Variants in GRIK4 observed in about 807,000 individuals in gnomAD.
The protein encoded by GRIK4 is glutamate receptor ionotropic, kainate 4.
GRIK4 carries 40 observed loss-of-function variants against 104.9 expected under a neutral mutation model. That is an observed-to-expected ratio of 0.38 (90% CI 0.30 to 0.50). The LOEUF (loss-of-function observed/expected upper bound fraction) is 0.50. Ranked by LOEUF, GRIK4 falls within the 20% of genes least tolerant of loss-of-function variation. GRIK4 has a pLI of 0.93. For missense variants in GRIK4, 1,047 were observed against 1,308.1 expected, an observed-to-expected ratio of 0.80 and a Z score of 3.08; for synonymous variants, 485 against 524.9, an observed-to-expected ratio of 0.92 and a Z score of 1.04.
rs2135541653 is a variant in GRIK4, at chr11:120,819,130, G to A, written c.346-625G>A. 6.6e-6 allele frequency among the ~76,000 whole-genome samples: 1 copy of A among 152,316 alleles called. No individual in the cohort carries two copies. Among genetic ancestry groups the A allele is most frequent in the South Asian group, 2.1e-4 (1 of 4,830 alleles). ...AAACCACGTATTTATTTACCTGGCT[G>A]TGTTCAGAGGTTCTCTAGATGGTTT... is the stretch of plus-strand genomic sequence containing the variant. On this transcript the variant is annotated intron_variant, in intron 5 of 20. Transcript: ENST00000527524. The surrounding 1 kb of genome is among the most constrained non-coding windows in gnomAD (Gnocchi z 4.3).
chr11:120,579,230 C>CA (rs2135089939), intron 1 of GRIK4, among the ~76,000 whole-genome samples: 1 of 152,100 alleles, frequency 6.6e-6, no homozygotes, highest in South Asian at 2.1e-4. Context: ...AAATAACCCC[C>CA]CCCCCTTTTT....
At position 120,513,251 on chromosome 11, in the gene GRIK4, C is replaced by T. The variant is rs1947684065; in HGVS notation, c.-159+1364C>T. Among the ~76,000 whole-genome samples the T allele has an allele frequency of 6.6e-6, 1 of 152,150 alleles. No individual in the cohort carries two copies. Among genetic ancestry groups the T allele is most frequent in the South Asian group, 2.1e-4 (1 of 4,826 alleles). Reference sequence around the variant, plus strand: ...CAAAGAACTACCTTCACTTTCACTCCCTATGGGTCACCTGGTTGGTAGTGA... The same window carrying T: ...CAAAGAACTACCTTCACTTTCACTCTCTATGGGTCACCTGGTTGGTAGTGA... On this transcript the variant is annotated intron_variant, in intron 1 of 20. Transcript: ENST00000527524. The surrounding 1 kb of genome is among the most constrained non-coding windows in gnomAD (Gnocchi z 4.5).
intron 1 of GRIK4, among the ~76,000 whole-genome samples, chr11:120,598,065 C>T (rs912173247): frequency 6.6e-6 from 1 of 152,180 alleles, no homozygotes; most frequent in Non-Finnish European, 1.5e-5. Context: ...CAACAGACTT[C>T]CCCTCCTGCG....
At chr11:120,817,813 C>T (rs1327651413) in intron 5 of GRIK4, among the ~76,000 whole-genome samples, 1 of 152,204 alleles carries the variant, frequency 6.6e-6, no homozygotes, top group East Asian at 1.9e-4. Context: ...CTTCCTCAGC[C>T]CTCACCCCCT....
chr11:120,659,769 G>A (rs1212487513), intron 2 of GRIK4, among the ~76,000 whole-genome samples: 1 of 152,188 alleles, frequency 6.6e-6, no homozygotes, highest in Non-Finnish European at 1.5e-5. Flanking sequence ...TCGCTCTGTC[G>A]TCCAGGCTGG....
intron 3 of GRIK4, among the ~76,000 whole-genome samples, chr11:120,678,163 A>G (rs1950131369): frequency 6.6e-6 from 1 of 152,182 alleles, no homozygotes. Context: ...GGTGTGATTG[A>G]GGTCTGCCCA....
chr11:120,721,327 C>T (rs3133226), intron 3 of GRIK4, among the ~76,000 whole-genome samples: 62,892 of 151,922 alleles, frequency 0.41, 15,241 homozygotes, highest in Middle Eastern at 0.58. Context: ...TTTGAGAGTG[C>T]AGTTTCAAGA....
At chr11:120,705,798 C>A (rs561358095) in intron 3 of GRIK4, among the ~76,000 whole-genome samples, 4 of 152,076 alleles carry the variant, frequency 2.6e-5, no homozygotes, top group Non-Finnish European at 5.9e-5. Flanking sequence ...TTCTTAATTT[C>A]TTTTTCAGAT....
chr11:120,599,743 C>T (rs976062102), intron 1 of GRIK4, among the ~76,000 whole-genome samples: 1 of 152,228 alleles, frequency 6.6e-6, no homozygotes, highest in Admixed American at 6.5e-5. Context: ...TCCAGGTTGC[C>T]CTGAAACTCT....
chr11:120,584,298 A>G (rs1948628158), intron 1 of GRIK4, among the ~76,000 whole-genome samples: 1 of 152,222 alleles, frequency 6.6e-6, no homozygotes, highest in Admixed American at 6.5e-5. Flanking sequence ...GTATTAGGCC[A>G]TTCTTGCATT....
At chr11:120,702,228 A>G (rs1950564940) in intron 3 of GRIK4, among the ~76,000 whole-genome samples, 1 of 152,138 alleles carries the variant, frequency 6.6e-6, no homozygotes, top group Non-Finnish European at 1.5e-5. Context: ...TGCTGGGATT[A>G]CAGGCGTGAG....
At chr11:120,933,941 A>G (rs940486821) in intron 13 of GRIK4, among the ~76,000 whole-genome samples, 28 of 152,122 alleles carry the variant, frequency 1.8e-4, no homozygotes, top group African/African-American at 6.8e-4. Context: ...GCGGTGGCTC[A>G]CACCTGTAAT....
In GRIK4 at chr11:120,957,625, G is replaced by GTGTGTGTGTGTATA. The variant is rs375508071; in HGVS notation, c.1874+673_1874+674insGTGTGTGTGTATAT. On this transcript the variant is annotated intron_variant, in intron 16 of 20. Coordinates refer to ENST00000527524, the MANE Select transcript of GRIK4 (RefSeq NM_014619.5). ...TGTGTGTGTGTGTGTGTGTGTGTGT[G>GTGTGTGTGTGTATA]TAGCCTAGAGAGGCAAGTTTGCAGA... Among the ~76,000 whole-genome samples the GTGTGTGTGTGTATA allele has an allele frequency of 3.1e-4, 45 of 144,636 alleles. 1 individual carries two copies. The highest frequency in any genetic ancestry group is 1.1e-3 in the African/African-American group (44 of 38,614). 94.9% of individuals were successfully genotyped at this position (144,636 alleles called of 152,430 possible). A position where few individuals can be genotyped will look rare whatever the true frequency, so the allele number is the denominator to read the frequency against.
chr11:120,620,022 A>T, intron 1 of GRIK4: 1 of 548,846 alleles, frequency 1.8e-6, no homozygotes, highest in South Asian at 2.7e-5. Context: ...CTGTTAGCGT[A>T]GTGAACCTGT....
rs117349312 is a variant in GRIK4 at position 120,559,608 on chromosome 11, G to A, written c.-159+47721G>A. On this transcript the variant is annotated intron_variant, in intron 1 of 20. Coordinates refer to ENST00000527524, the MANE Select transcript of GRIK4 (RefSeq NM_014619.5). ...TCCAAAACAACATGCACAGAACATGGTTTGATCATTTTTTCATTACTCAGG... is the reference window on the plus strand; with the variant it reads ...TCCAAAACAACATGCACAGAACATGATTTGATCATTTTTTCATTACTCAGG... 5.0e-3 allele frequency among the ~76,000 whole-genome samples: 766 copies of A among 152,286 alleles called. 1 individual carries two copies. Among genetic ancestry groups the A allele is most frequent in the Admixed American group, 0.014 (220 of 15,312 alleles).
Position 120,819,865 on chromosome 11 carries a change from G to A in GRIK4, c.456G>A (p.Gly152=). Residue 152 remains glycine (G), a synonymous_variant, in exon 6 of 21, where the codon GGG becomes GGA. Transcript: ENST00000527524. This position sits in a 1 kb window ranked among gnomAD's most constrained non-coding sequence, Gnocchi z 4.3. ...SNTDISVAVA[G]ILNFFNCTTA... is the part of the protein sequence containing the mutation. ...CTGACATCAGCGTGGCTGTAGCTGGGATCCTGAACTTCTTCAACTGCACCA... is the reference window on the plus strand; with the variant it reads ...CTGACATCAGCGTGGCTGTAGCTGGAATCCTGAACTTCTTCAACTGCACCA... 1 of 1,614,148 alleles carries A rather than the reference G, an allele frequency of 6.2e-7. No homozygotes were observed. The highest frequency in any genetic ancestry group is 8.5e-7 in the Non-Finnish European group (1 of 1,180,008).
chr11:120,620,920 A>G (rs1949178983), intron 1 of GRIK4, among the ~76,000 whole-genome samples: 1 of 152,188 alleles, frequency 6.6e-6, no homozygotes, highest in Non-Finnish European at 1.5e-5. Context: ...CCCGCCTCTT[A>G]CTGTTGAGGC....
At chr11:120,664,208 T>C (rs1345118471) in intron 3 of GRIK4, among the ~76,000 whole-genome samples, 2 of 152,168 alleles carry the variant, frequency 1.3e-5, no homozygotes, top group African/African-American at 2.4e-5. Flanking sequence ...TTGGAGAAAG[T>C]AGAAGAGAAA....
chr11:120,985,359 A>G (rs1467755818), intron 20 of GRIK4, among the ~76,000 whole-genome samples: 3 of 151,904 alleles, frequency 2.0e-5, no homozygotes, highest in Non-Finnish European at 4.4e-5. Context: ...GCTTTGTATT[A>G]CCCTCCTCTT....
Sources: allele counts gnomAD v4.1 joint callset (sites outside exome capture counted in the v4.1 genomes callset), GRCh38; gene constraint gnomAD v4.1.1; non-coding constraint Gnocchi (gnomAD v3.1); transcripts MANE v1.5; gene names NCBI Gene and HGNC (gene_info 2026-07-23, HGNC 2026-07-21).